The following TAF2 variants were observed in gnomAD, a reference collection of about 807,000 sequenced individuals.
TAF2 encodes transcription initiation factor TFIID subunit 2.
In TAF2, 61 loss-of-function variants were observed where a neutral mutation model predicts 138.5. The ratio of observed to expected loss-of-function variants is 0.44; its 90% CI spans 0.36 to 0.54. TAF2 has a LOEUF of 0.54. Among genes scored for constraint, TAF2 ranks in the 20% least tolerant of loss-of-function variants. The probability of loss-of-function intolerance (pLI) is 0.00; values close to 1 mark genes in which losing one functional copy is unlikely to be tolerated. For synonymous variants in TAF2, 475 were observed against 469.9 expected, an observed-to-expected ratio of 1.01 and a Z score of -0.14; for missense variants, 1,090 against 1,427.9, an observed-to-expected ratio of 0.76 and a Z score of 3.81.
In TAF2 at chr8:119,776,920, G is replaced by A. The variant is rs530107530; in HGVS notation, c.2364+1099C>T. Among the ~76,000 whole-genome samples the A allele has an allele frequency of 9.9e-5, 15 of 152,130 alleles. 1 individual carries two copies. In the South Asian group the frequency reaches 3.1e-3, roughly 32 times the overall value. On this transcript the variant is annotated intron_variant, in intron 18 of 25. Coordinates refer to ENST00000378164, the MANE Select transcript of TAF2 (RefSeq NM_003184.4). ...TAGCTGACCCTCTCTCTATATATGT[G>A]GGTTCCATATCCATGGATTCTGCAT...
At chr8:119,738,473 A>C (rs1318683454) in intron 25 of TAF2, among the ~76,000 whole-genome samples, 1 of 152,222 alleles carries the variant, frequency 6.6e-6, no homozygotes, top group South Asian at 2.1e-4. Context: ...AAGTCCTTTT[A>C]GTAAACTGAA....
At chr8:119,765,064 TTG>T (rs1264685266) in intron 18 of TAF2, among the ~76,000 whole-genome samples, 1 of 152,202 alleles carries the variant, frequency 6.6e-6, no homozygotes, top group Non-Finnish European at 1.5e-5. Flanking sequence ...ATCTCCACTG[TTG>T]TGTTTTTGCT....
At chr8:119,832,184 A>C (rs79323010) in intron 1 of TAF2, among the ~76,000 whole-genome samples, 2,448 of 152,090 alleles carry the variant, frequency 0.016, 58 homozygotes, top group African/African-American at 0.056. Context: ...AAAAAAAAAA[A>C]CACTCTACCA....
intron 1 of TAF2, 92 bp from the exon 2 acceptor site, chr8:119,831,823 T>TA: frequency 7.1e-6 from 6 of 841,136 alleles, no homozygotes; most frequent in Non-Finnish European, 1.0e-5. Flanking sequence ...ATTAGGACTA[T>TA]GTTCTAAGTA....
chr8:119,829,845 T>G (rs1248163465), intron 2 of TAF2, among the ~76,000 whole-genome samples: 3 of 150,170 alleles, frequency 2.0e-5, no homozygotes, highest in Non-Finnish European at 4.4e-5. Flanking sequence ...TTACTTAACC[T>G]CCATTCTTTT....
At chr8:119,817,043 AG>A (rs35290111) in intron 3 of TAF2, among the ~76,000 whole-genome samples, 4 of 152,232 alleles carry the variant, frequency 2.6e-5, no homozygotes, top group African/African-American at 7.2e-5. Flanking sequence ...GCAAAAAAGC[AG>A]GGATAGTCAA....
At chr8:119,815,366 C>G (rs1295169866) in intron 3 of TAF2, among the ~76,000 whole-genome samples, 2 of 151,680 alleles carry the variant, frequency 1.3e-5, no homozygotes, top group African/African-American at 4.8e-5. Context: ...GCTCCACCTC[C>G]TGGATTCACG....
At chr8:119,746,626 T>C in intron 23 of TAF2, 79 bp downstream of exon 23, 4 of 1,439,698 alleles carry the variant, frequency 2.8e-6, no homozygotes, top group Non-Finnish European at 3.9e-6. Flanking sequence ...TAAAATTCAC[T>C]AGTTCACAGG....
At chr8:119,829,555 G>GTGTATATATATATACACATACATATA in intron 2 of TAF2, among the ~76,000 whole-genome samples, 1 of 151,740 alleles carries the variant, frequency 6.6e-6, no homozygotes, top group Non-Finnish European at 1.5e-5. Flanking sequence ...ATATATGTAT[G>GTGTATATATATATACACATACATATA]TGTATATATA....
Position 119,797,141 on chromosome 8 carries a change from G to A in TAF2, c.978-38C>T, listed in dbSNP as rs1443271186. On this transcript the variant is annotated intron_variant, in intron 7 of 25. Transcript: ENST00000378164. The stretch of plus-strand genomic sequence containing the variant: ...AGAGAAGAAAGCTCATTATAACCAA[G>A]AAATAAATACTTATTCAGTGAAAAT... 5 of 1,334,872 alleles carry A rather than the reference G, an allele frequency of 3.7e-6. No homozygotes were observed. In the South Asian group the frequency reaches 5.9e-5, roughly 16 times the overall value. The allele number at this position is 1,334,872 out of a possible 1,614,324, so 82.7% of individuals were successfully genotyped here.
At chr8:119,813,671 T>G (rs1389538970) in intron 3 of TAF2, among the ~76,000 whole-genome samples, 1 of 152,264 alleles carries the variant, frequency 6.6e-6, no homozygotes, top group African/African-American at 2.4e-5. Flanking sequence ...GAGAGTAATC[T>G]CAATAATTCT....
At chr8:119,775,279 CA>C (rs59665180) in intron 18 of TAF2, among the ~76,000 whole-genome samples, 30,663 of 100,676 alleles carry the variant, frequency 0.3, 3,730 homozygotes, top group African/African-American at 0.47. Flanking sequence ...GATTCCATCT[CA>C]AAAAAAAAAA....
chr8:119,796,997 T>C lies in TAF2; in HGVS notation c.1084A>G (p.Met362Val). 1.2e-6 allele frequency: 2 copies of C among 1,610,416 alleles called. No individual in the cohort carries two copies. The highest frequency in any genetic ancestry group is 1.3e-5 in the African/African-American group (1 of 74,946). The change falls in exon 8 of 26, where the codon ATG becomes GTG. Residue 362 changes from methionine (M) to valine (V), a missense_variant. By Grantham distance (21) the Met-to-Val change is conservative. This residue lies in a region of TAF2 where 504 missense variants were observed against 680.9 expected (regional missense o/e 0.74). Transcript: ENST00000378164. ...AACTTTCAGGTCACTCACCAAGACA[T>C]TCTAGATATGAAACAACCAAAAAAC... ...QQFFGCFISR[M>V]SWSDEWVLKG...
chr8:119,790,947 C>T (rs1348302953), intron 11 of TAF2, among the ~76,000 whole-genome samples: 1 of 151,658 alleles, frequency 6.6e-6, no homozygotes, highest in African/African-American at 2.4e-5. Context: ...CAGAATCATG[C>T]CACTATGCCT....
chr8:119,778,111 C>T lies in TAF2; in HGVS notation c.2272G>A (p.Ala758Thr). ...AGATTATGAACATCTCTTAATAAAG[C>T]CATTGCAACTGGCATAGTCTACAAA... ...FLQKTMPVAM[A>T]LLRDVHNLCP... Residue 758 changes from alanine (A) to threonine (T), a missense_variant, in exon 18 of 26, where the codon GCT (alanine) becomes ACT (threonine). Ala to Thr is a moderately conservative substitution (Grantham distance 58, BLOSUM62 0). Transcript: ENST00000378164. 6.2e-7 allele frequency: 1 copy of T among 1,602,322 alleles called. No homozygotes were observed. The highest frequency in any genetic ancestry group is 1.1e-5 in the South Asian group (1 of 90,312).
chr8:119,830,111 G>T (rs1826353308), intron 2 of TAF2, among the ~76,000 whole-genome samples: 1 of 151,892 alleles, frequency 6.6e-6, no homozygotes, highest in Non-Finnish European at 1.5e-5. Context: ...TGTTAGCCAG[G>T]ATGGTTTCGA....
At chr8:119,814,247 T>C (rs982546218) in intron 3 of TAF2, among the ~76,000 whole-genome samples, 1 of 152,160 alleles carries the variant, frequency 6.6e-6, no homozygotes, top group Admixed American at 6.6e-5. Flanking sequence ...AACTCTAATG[T>C]CCCTCCAACT....
At chr8:119,748,256 G>C (rs1477986203) in intron 22 of TAF2, among the ~76,000 whole-genome samples, 2 of 151,742 alleles carry the variant, frequency 1.3e-5, no homozygotes, top group Non-Finnish European at 2.9e-5. Context: ...GAAAAAATTT[G>C]GATATCATAA....
chr8:119,751,264 C>T (rs1006159794), intron 22 of TAF2, among the ~76,000 whole-genome samples: 1 of 152,026 alleles, frequency 6.6e-6, no homozygotes, highest in Non-Finnish European at 1.5e-5. Context: ...GCTACCACAC[C>T]GCTAACAAAA....
Sources: gnomAD v4.1 joint callset for allele counts (sites outside exome capture counted in the v4.1 genomes callset) on GRCh38, gnomAD v4.1.1 for gene constraint, gnomAD v4.1.1 regional missense constraint, MANE v1.5 for transcripts, NCBI Gene and HGNC (gene_info 2026-07-23, HGNC 2026-07-21) for gene names.